Variants in TPST1 observed in about 807,000 individuals in gnomAD.
TPST1 encodes the protein protein-tyrosine sulfotransferase 1.
TPST1 carries 20 observed loss-of-function variants against 34.8 expected under a neutral mutation model. The ratio of observed to expected loss-of-function variants is 0.57; its 90% confidence interval spans 0.40 to 0.84. TPST1 has a LOEUF of 0.84. Ranked by LOEUF, TPST1 falls within the 40% of genes least tolerant of loss-of-function variation. The pLI, the probability that TPST1 is intolerant of heterozygous loss-of-function variation, is 0.00. For synonymous variants in TPST1, 152 were observed against 159.4 expected (o/e 0.95, Z 0.35); for missense variants, 353 against 455.5 (o/e 0.78, Z 2.05).
intron 1 of TPST1, among the ~76,000 whole-genome samples, chr7:66,222,953 A>G (rs1789574681): frequency 6.6e-6 from 1 of 152,090 alleles, no homozygotes; most frequent in Non-Finnish European, 1.5e-5. Context: ...TTACTTGTGA[A>G]GAAGGGTTTG....
In TPST1 at chr7:66,296,962, G is replaced by A. The variant is rs1424960652; in HGVS notation, c.1044+10253G>A. Reference sequence around the variant, plus strand: ...ACCTTTTAGACTTAGGAACTTATTTGAGAATTTGATGAATCCTGTGGATCC... The same window carrying A: ...ACCTTTTAGACTTAGGAACTTATTTAAGAATTTGATGAATCCTGTGGATCC... On this transcript the variant is annotated intron_variant, in intron 3 of 5. Transcript: ENST00000304842. Among the ~76,000 whole-genome samples the A allele has an allele frequency of 2.0e-5, 3 of 152,082 alleles. No individual in the cohort carries two copies. The East Asian group carries it at 5.8e-4, about 29-fold the overall frequency.
chr7:66,232,201 A>ATTTTTTTTTTTTT (rs1319878540), intron 1 of TPST1, among the ~76,000 whole-genome samples: 1 of 113,900 alleles, frequency 8.8e-6, no homozygotes, highest in Non-Finnish European at 1.7e-5. Context: ...ATTAAAAAAA[A>ATTTTTTTTTTTTT]TTTTTTTTTT....
chr7:66,351,468 CTTA>C (rs1171120589), intron 3 of TPST1, among the ~76,000 whole-genome samples: 1 of 151,638 alleles, frequency 6.6e-6, no homozygotes, highest in African/African-American at 2.4e-5. Context: ...ACCCTACTGT[CTTA>C]CTTATGGCTA....
intron 1 of TPST1, among the ~76,000 whole-genome samples, chr7:66,237,275 A>G (rs994612253): frequency 1.3e-5 from 2 of 152,036 alleles, no homozygotes; most frequent in African/African-American, 4.8e-5. Flanking sequence ...CTACTGAATG[A>G]GTAGATGAGG....
At chr7:66,219,639 T>C (rs1362522729) in intron 1 of TPST1, among the ~76,000 whole-genome samples, 1 of 152,206 alleles carries the variant, frequency 6.6e-6, no homozygotes, top group Non-Finnish European at 1.5e-5. Context: ...AAGCTGAGTA[T>C]ATTTTTAAAA....
At chr7:66,204,096 G>A (rs1789071361), upstream of TPST1, among the ~76,000 whole-genome samples, 1 of 151,830 alleles carries the variant, frequency 6.6e-6, no homozygotes, top group Admixed American at 6.6e-5. Flanking sequence ...AGAATCACTT[G>A]AGCCCAGGAG....
intron 3 of TPST1, among the ~76,000 whole-genome samples, chr7:66,319,054 T>A (rs1333808184): frequency 2.0e-5 from 3 of 152,220 alleles, no homozygotes; most frequent in Non-Finnish European, 4.4e-5. Flanking sequence ...TATAGCTAAC[T>A]GTGGCTTTTC....
intron 3 of TPST1, among the ~76,000 whole-genome samples, chr7:66,298,521 A>G (rs1791247697): frequency 6.6e-6 from 1 of 152,116 alleles, no homozygotes; most frequent in African/African-American, 2.4e-5. Context: ...GTGTCTTTAT[A>G]TAGCTGGCTT....
chr7:66,328,842 C>T (rs1169174377), intron 3 of TPST1, among the ~76,000 whole-genome samples: 1 of 137,924 alleles, frequency 7.3e-6, no homozygotes, highest in Non-Finnish European at 1.5e-5. Flanking sequence ...CTCTCTTTCT[C>T]ACTCTCTCTC....
intron 3 of TPST1, among the ~76,000 whole-genome samples, chr7:66,349,175 G>A (rs1792417988): frequency 6.6e-6 from 1 of 152,198 alleles, no homozygotes; most frequent in Non-Finnish European, 1.5e-5. Context: ...ACTGACACCT[G>A]TATGACTGCC....
intron 2 of TPST1, among the ~76,000 whole-genome samples, chr7:66,254,974 C>T (rs1477585469): frequency 1.3e-5 from 2 of 151,514 alleles, no homozygotes; most frequent in African/African-American, 2.4e-5. Context: ...GGTGAAACCC[C>T]GTCTCTACTA....
At chr7:66,241,291 T>C in intron 2 of TPST1, 21 bp downstream of exon 2, 1 of 1,575,002 alleles carries the variant, frequency 6.3e-7, no homozygotes, top group Non-Finnish European at 8.6e-7. Context: ...GATACGTTTT[T>C]TATTTTGACT....
At chr7:66,264,702 T>C (rs1790556587) in intron 2 of TPST1, among the ~76,000 whole-genome samples, 1 of 152,152 alleles carries the variant, frequency 6.6e-6, no homozygotes, top group East Asian at 1.9e-4. Context: ...AGAATCTGAT[T>C]CCCAGAGTTG....
chr7:66,356,902 C>T, intron 5 of TPST1, 31 bp downstream of exon 5: 1 of 1,611,906 alleles, frequency 6.2e-7, no homozygotes, highest in Non-Finnish European at 8.5e-7. Flanking sequence ...CCAGGTCTTT[C>T]TGTTTCCCAC....
chr7:66,333,113 A>G (rs947194026), intron 3 of TPST1, among the ~76,000 whole-genome samples: 1 of 152,156 alleles, frequency 6.6e-6, no homozygotes, highest in Non-Finnish European at 1.5e-5. Flanking sequence ...TTTCTTCTCT[A>G]TCTCTGTATT....
intron 1 of TPST1, among the ~76,000 whole-genome samples, chr7:66,214,496 A>G (rs1239551946): frequency 6.6e-6 from 1 of 151,838 alleles, no homozygotes; most frequent in African/African-American, 2.4e-5. Flanking sequence ...AATTGGCTGT[A>G]TATGTAATGA....
Position 66,339,632 on chromosome 7 carries a change from T to C in TPST1, c.1045-12873T>C, listed in dbSNP as rs529459124. ...AATACTAACAAACCAAGTGCAACAA[T>C]ACATTAAAAAGATCATCCTGGGATA... On this transcript the variant is annotated intron_variant, in intron 3 of 5. Coordinates refer to ENST00000304842, the MANE Select transcript of TPST1 (RefSeq NM_003596.4). Among the ~76,000 whole-genome samples, 3 of 151,692 alleles carry C rather than the reference T, an allele frequency of 2.0e-5. No individual in the cohort carries two copies. In the East Asian group the frequency reaches 5.8e-4, roughly 29 times the overall value.
At chr7:66,260,823 G>A (rs1049984173) in intron 2 of TPST1, among the ~76,000 whole-genome samples, 1 of 152,108 alleles carries the variant, frequency 6.6e-6, no homozygotes, top group Non-Finnish European at 1.5e-5. Context: ...CTATTACTGA[G>A]TCAAGACCTG....
intron 3 of TPST1, among the ~76,000 whole-genome samples, chr7:66,314,857 T>C (rs1276452346): frequency 6.6e-6 from 1 of 152,224 alleles, no homozygotes; most frequent in Non-Finnish European, 1.5e-5. Flanking sequence ...TATAATCTTA[T>C]GGGACCACTG....
Sources: allele counts gnomAD v4.1 joint callset (sites outside exome capture counted in the v4.1 genomes callset), GRCh38; gene constraint gnomAD v4.1.1; transcripts MANE v1.5; gene names NCBI Gene and HGNC (gene_info 2026-07-23, HGNC 2026-07-21).